The following CNTNAP2 variants were observed in gnomAD, a reference collection of about 807,000 sequenced individuals.
CNTNAP2 encodes contactin associated protein 2, also known as contactin-associated protein-like 2.
CNTNAP2 carries 98 observed loss-of-function variants against 155.2 expected under a neutral mutation model. The observed-to-expected ratio is 0.63, with a 90% CI of 0.54 to 0.75. The LOEUF (loss-of-function observed/expected upper bound fraction) is 0.75, where lower values mean the gene tolerates loss of function less well. Among genes scored for constraint, CNTNAP2 ranks in the 30% least tolerant of loss-of-function variants. CNTNAP2 has a pLI of 0.00. For missense variants in CNTNAP2, 1,727 were observed against 1,688.1 expected (o/e 1.02, Z -0.40); for synonymous variants, 651 against 631.2 (o/e 1.03, Z -0.47).
chr7:147,913,282 C>T (rs1002176224), intron 14 of CNTNAP2, among the ~76,000 whole-genome samples: 6 of 152,300 alleles, frequency 3.9e-5, no homozygotes, highest in South Asian at 4.1e-4. Context: ...AAAATCACTT[C>T]GCAAGGAATA....
intron 21 of CNTNAP2, among the ~76,000 whole-genome samples, chr7:148,290,087 G>T (rs1385609632): frequency 4.6e-5 from 7 of 152,080 alleles, no homozygotes; most frequent in African/African-American, 1.7e-4. Flanking sequence ...TGATAGAAAA[G>T]GGAAGTCATA....
intron 13 of CNTNAP2, among the ~76,000 whole-genome samples, chr7:147,669,153 T>C (rs1795747298): frequency 6.6e-6 from 1 of 152,140 alleles, no homozygotes; most frequent in South Asian, 2.1e-4. Flanking sequence ...TTAAGTACAT[T>C]CTATGATGTC....
intron 9 of CNTNAP2, among the ~76,000 whole-genome samples, chr7:147,393,456 G>A (rs1796757162): frequency 6.7e-6 from 1 of 149,288 alleles, no homozygotes; most frequent in Non-Finnish European, 1.5e-5. Context: ...CAAAGCTAGT[G>A]TGGATATGGT....
At chr7:146,838,332 T>A (rs944375497) in intron 2 of CNTNAP2, among the ~76,000 whole-genome samples, 2 of 152,176 alleles carry the variant, frequency 1.3e-5, no homozygotes, top group Non-Finnish European at 1.5e-5. Flanking sequence ...TTATTTTATT[T>A]TTTGAGATGG....
intron 10 of CNTNAP2, among the ~76,000 whole-genome samples, chr7:147,470,578 C>G (rs1798200458): frequency 6.6e-6 from 1 of 151,658 alleles, no homozygotes. Context: ...ATGATAGTGT[C>G]TTGGATTGGG....
chr7:147,649,354 A>G (rs1675377534), intron 13 of CNTNAP2, among the ~76,000 whole-genome samples: 1 of 152,208 alleles, frequency 6.6e-6, no homozygotes, highest in Non-Finnish European at 1.5e-5. Context: ...GTTCAAATAA[A>G]TACTTATTCT....
At chr7:146,498,178 A>T (rs1300633528) in intron 1 of CNTNAP2, among the ~76,000 whole-genome samples, 3 of 152,154 alleles carry the variant, frequency 2.0e-5, no homozygotes, top group African/African-American at 7.2e-5. Flanking sequence ...CTTCTAAAAG[A>T]AGAAGGATTT....
chr7:146,827,023 A>ATG (rs1803418424), intron 2 of CNTNAP2, among the ~76,000 whole-genome samples: 3 of 151,906 alleles, frequency 2.0e-5, no homozygotes, highest in African/African-American at 7.2e-5. Flanking sequence ...ATTTTTTTCA[A>ATG]TTACAATTCA....
At chr7:147,550,920 ATT>A (rs1421990657) in intron 11 of CNTNAP2, among the ~76,000 whole-genome samples, 1 of 152,170 alleles carries the variant, frequency 6.6e-6, no homozygotes, top group African/African-American at 2.4e-5. Flanking sequence ...GAAATCATAA[ATT>A]TATCTGAAAA....
intron 4 of CNTNAP2, among the ~76,000 whole-genome samples, chr7:147,079,046 G>A (rs1308921948): frequency 6.6e-6 from 1 of 152,054 alleles, no homozygotes; most frequent in Non-Finnish European, 1.5e-5. Flanking sequence ...CCACTGGCCT[G>A]GCCGTCTTAT....
chr7:147,483,717 G>A (rs754394793), intron 10 of CNTNAP2, among the ~76,000 whole-genome samples: 1 of 152,154 alleles, frequency 6.6e-6, no homozygotes, highest in African/African-American at 2.4e-5. Flanking sequence ...TAAGTATCAA[G>A]GATGTTTTAG....
intron 15 of CNTNAP2, among the ~76,000 whole-genome samples, chr7:148,067,559 T>A (rs563889137): frequency 6.6e-6 from 1 of 152,270 alleles, no homozygotes; most frequent in South Asian, 2.1e-4. Context: ...GTTTAGTGCA[T>A]GGGTTTTCTT....
intron 12 of CNTNAP2, among the ~76,000 whole-genome samples, chr7:147,581,109 T>C (rs539681967): frequency 4.6e-5 from 7 of 152,304 alleles, no homozygotes; most frequent in Non-Finnish European, 1.0e-4. Flanking sequence ...AAATCATAGG[T>C]AGATAACTGG....
chr7:147,475,556 G>C (rs1798305174), intron 10 of CNTNAP2, among the ~76,000 whole-genome samples: 1 of 151,622 alleles, frequency 6.6e-6, no homozygotes, highest in Non-Finnish European at 1.5e-5. Context: ...ATAGGATAAA[G>C]AAAATGGTCC....
At chr7:147,902,778 TTGTGTG>T (rs564991239) in intron 13 of CNTNAP2, among the ~76,000 whole-genome samples, 64 of 136,808 alleles carry the variant, frequency 4.7e-4, no homozygotes, top group East Asian at 2.3e-3. Context: ...TCATATATGT[TTGTGTG>T]TGTGTGTGTG....
chr7:147,088,094 C>T (rs1364013900), intron 4 of CNTNAP2, among the ~76,000 whole-genome samples: 2 of 152,218 alleles, frequency 1.3e-5, no homozygotes, highest in African/African-American at 4.8e-5. Context: ...TTGCTTGCAG[C>T]TTCCACTAAT....
At chr7:146,487,264 A>C (rs545110802) in intron 1 of CNTNAP2, among the ~76,000 whole-genome samples, 2 of 152,354 alleles carry the variant, frequency 1.3e-5, no homozygotes, top group East Asian at 3.9e-4. Flanking sequence ...TAGGAATGTT[A>C]TACTAATGCC....
chr7:147,967,243 G>T (rs148507804), intron 14 of CNTNAP2, among the ~76,000 whole-genome samples: 28 of 152,202 alleles, frequency 1.8e-4, no homozygotes, highest in Admixed American at 3.9e-4. Flanking sequence ...TAGCCAGTAA[G>T]GCAATTTTCC....
chr7:147,994,229 A>G lies in CNTNAP2; in HGVS notation c.2383+16240A>G, dbSNP rs1801763930. ...TTACAAAAAAATAAAATAATTAACC[A>G]GGTTTGGTGGCACATGCCCGTGGCC... On this transcript the variant is annotated intron_variant, in intron 15 of 23. Coordinates refer to ENST00000361727, the MANE Select transcript of CNTNAP2 (RefSeq NM_014141.6). 2.6e-5 allele frequency among the ~76,000 whole-genome samples: 4 copies of G among 151,966 alleles called. No homozygotes were observed. The South Asian group carries it at 8.3e-4, about 32-fold the overall frequency.
Sources: gnomAD v4.1 joint callset for allele counts (sites outside exome capture counted in the v4.1 genomes callset) on GRCh38, gnomAD v4.1.1 for gene constraint, MANE v1.5 for transcripts, NCBI Gene and HGNC (gene_info 2026-07-23, HGNC 2026-07-21) for gene names.